The following ADCY3 variants were observed in gnomAD, a reference collection of about 807,000 sequenced individuals.
ADCY3 encodes the protein adenylate cyclase 3.
Under a neutral mutation model 119.4 loss-of-function variants are expected in ADCY3, and 70 were observed. The ratio of observed to expected loss-of-function variants is 0.59; its 90% CI spans 0.48 to 0.72. ADCY3 has a LOEUF of 0.72. Ranked by LOEUF, ADCY3 falls within the 30% of genes least tolerant of loss-of-function variation. ADCY3 has a pLI of 0.00. For missense variants in ADCY3, 1,238 were observed against 1,541.6 expected (o/e 0.80, Z 3.30); for synonymous variants, 672 against 621.4 (o/e 1.08, Z -1.21).
chr2:24,858,285 G>A (rs998913360), intron 3 of ADCY3, among the ~76,000 whole-genome samples: 4 of 152,146 alleles, frequency 2.6e-5, no homozygotes, highest in African/African-American at 7.2e-5. Flanking sequence ...TGCAACCTTT[G>A]TTGACAGATC....
At chr2:24,913,085 G>A (rs534215483) in intron 2 of ADCY3, among the ~76,000 whole-genome samples, 5 of 152,122 alleles carry the variant, frequency 3.3e-5, no homozygotes, top group East Asian at 1.9e-4. Flanking sequence ...TTCCCGTCCC[G>A]GGTCAGTGGA....
chr2:24,863,175 G>T (rs529420975), intron 3 of ADCY3, among the ~76,000 whole-genome samples: 1 of 152,354 alleles, frequency 6.6e-6, no homozygotes, highest in African/African-American at 2.4e-5. Context: ...TCCTGGGTGT[G>T]TCTGTGAGGG....
intron 3 of ADCY3, among the ~76,000 whole-genome samples, chr2:24,866,682 G>A (rs1042071787): frequency 2.7e-5 from 4 of 149,578 alleles, no homozygotes; most frequent in African/African-American, 9.8e-5. Context: ...TAAAATAAAT[G>A]TTTAATATAT....
chr2:24,846,165 C>T (rs1188030423), intron 3 of ADCY3, among the ~76,000 whole-genome samples: 1 of 152,226 alleles, frequency 6.6e-6, no homozygotes, highest in Non-Finnish European at 1.5e-5. Context: ...CACAGAGTCC[C>T]TACTGGGCCA....
rs57980321 is a variant in ADCY3 at position 24,902,034 on chromosome 2, C to CTGTGTGTG, written c.675+16271_675+16278dup. Among the ~76,000 whole-genome samples, 233 of 122,324 alleles carry CTGTGTGTG rather than the reference C, an allele frequency of 1.9e-3. 1 individual carries two copies. Among genetic ancestry groups the CTGTGTGTG allele is most frequent in the Admixed American group, 0.011 (122 of 11,254 alleles). 80.2% of individuals were successfully genotyped at this position (122,324 alleles called of 152,430 possible). A position where few individuals can be genotyped will look rare whatever the true frequency, so the allele number is the denominator to read the frequency against. On this transcript the variant is annotated intron_variant, in intron 2 of 21. Coordinates refer to ENST00000679454, the MANE Select transcript of ADCY3 (RefSeq NM_004036.5). The stretch of plus-strand genomic sequence containing the variant: ...TTAGTAGATGGCACACATTTTAACT[C>CTGTGTGTG]TGTGTGTGTGTGTGTGTGTGTGTGT...
chr2:24,908,340 A>G (rs2149035798), intron 2 of ADCY3, among the ~76,000 whole-genome samples: 1 of 152,340 alleles, frequency 6.6e-6, no homozygotes, highest in South Asian at 2.1e-4. Context: ...AAAGAAAGAA[A>G]AAAAAGTAGA....
intron 2 of ADCY3, among the ~76,000 whole-genome samples, chr2:24,896,496 T>G (rs1573017537): frequency 6.6e-6 from 1 of 152,100 alleles, no homozygotes; most frequent in South Asian, 2.1e-4. Context: ...GTCAGTCACA[T>G]TTCCTTCTTT....
chr2:24,879,906 G>A (rs11885385), intron 2 of ADCY3, among the ~76,000 whole-genome samples: 4,482 of 152,306 alleles, frequency 0.029, 93 homozygotes, highest in African/African-American at 0.054. Flanking sequence ...CAGGTGGGAA[G>A]GAGGAGTCAT....
chr2:24,902,081 G>T lies in ADCY3; in HGVS notation c.675+16232C>A, dbSNP rs867424675. On this transcript the variant is annotated intron_variant, in intron 2 of 21. Coordinates refer to ENST00000679454, the MANE Select transcript of ADCY3 (RefSeq NM_004036.5). ...GTGTGTGTGTGTGTGTGTGTATTTG[G>T]TTTTTTTTTTTTTTTTTGAGACAGG... is the stretch of plus-strand genomic sequence containing the variant. Among the ~76,000 whole-genome samples, 810 of 95,892 alleles carry T rather than the reference G, an allele frequency of 8.4e-3. 6 individuals carry two copies. Among genetic ancestry groups the T allele is most frequent in the African/African-American group, 0.027 (641 of 23,964 alleles). The allele number at this position is 95,892 out of a possible 152,430, so 62.9% of individuals were successfully genotyped here. A position where few individuals can be genotyped will look rare whatever the true frequency, so the allele number is the denominator to read the frequency against.
intron 3 of ADCY3, among the ~76,000 whole-genome samples, chr2:24,843,512 C>T (rs1671297634): frequency 6.6e-6 from 1 of 152,226 alleles, no homozygotes; most frequent in Non-Finnish European, 1.5e-5. Flanking sequence ...CCCAGCCATG[C>T]TCATTTGTTG....
intron 3 of ADCY3, among the ~76,000 whole-genome samples, chr2:24,850,572 A>G (rs1672176664): frequency 6.6e-6 from 1 of 152,214 alleles, no homozygotes; most frequent in African/African-American, 2.4e-5. Context: ...TCTTCCAAAG[A>G]TAGCAGTTGC....
At chr2:24,892,765 GATA>G (rs529523388) in intron 2 of ADCY3, among the ~76,000 whole-genome samples, 1 of 152,176 alleles carries the variant, frequency 6.6e-6, no homozygotes, top group Non-Finnish European at 1.5e-5. Context: ...CGCTATCCCT[GATA>G]ATATTTCTTG....
intron 15 of ADCY3, chr2:24,826,357 G>T: frequency 1.9e-6 from 1 of 528,106 alleles, no homozygotes; most frequent in East Asian, 3.3e-5. Context: ...GCTGCACCTG[G>T]TATTCACATC....
intron 2 of ADCY3, among the ~76,000 whole-genome samples, chr2:24,908,632 C>T (rs1368326938): frequency 1.3e-5 from 2 of 152,188 alleles, no homozygotes; most frequent in African/African-American, 4.8e-5. Context: ...CCACCCCTCC[C>T]CCAACCAGGT....
chr2:24,850,310 A>G (rs1455414260), intron 3 of ADCY3, among the ~76,000 whole-genome samples: 2 of 152,156 alleles, frequency 1.3e-5, no homozygotes, highest in Non-Finnish European at 2.9e-5. Flanking sequence ...CGGACCTTCT[A>G]GAAAAATGCT....
chr2:24,848,965 C>A (rs76431392), intron 3 of ADCY3, among the ~76,000 whole-genome samples: 7,959 of 152,246 alleles, frequency 0.052, 647 homozygotes, highest in African/African-American at 0.18. Flanking sequence ...CAGCCCCCCC[C>A]GCCACGTGTG....
intron 13 of ADCY3, 66 bp from the exon 14 acceptor site, chr2:24,828,227 C>A: frequency 1.3e-6 from 2 of 1,586,482 alleles, no homozygotes; most frequent in Non-Finnish European, 1.7e-6. Flanking sequence ...TCACAGAGGG[C>A]TGTGCATGGT....
At chr2:24,855,045 A>G (rs1291571909) in intron 3 of ADCY3, among the ~76,000 whole-genome samples, 3 of 152,168 alleles carry the variant, frequency 2.0e-5, no homozygotes, top group Non-Finnish European at 2.9e-5. Context: ...GCGAGCCTCC[A>G]TCCCGAAACA....
At chr2:24,883,247 C>T (rs1676622154) in intron 2 of ADCY3, among the ~76,000 whole-genome samples, 1 of 152,082 alleles carries the variant, frequency 6.6e-6, no homozygotes, top group South Asian at 2.1e-4. Flanking sequence ...ACTTGGGAAG[C>T]TGAGGCAGAA....
Sources: gnomAD v4.1 joint callset for allele counts (sites outside exome capture counted in the v4.1 genomes callset) on GRCh38, gnomAD v4.1.1 for gene constraint, MANE v1.5 for transcripts, NCBI Gene and HGNC (gene_info 2026-07-23, HGNC 2026-07-21) for gene names.